BCOR: variants seen among roughly 807,000 people sequenced by gnomAD.
BCOR encodes the protein BCL6 corepressor.
A neutral mutation model predicts 86.7 loss-of-function variants in BCOR; 10 were observed. The observed-to-expected ratio is 0.12, with a 90% CI of 0.07 to 0.20. BCOR has a LOEUF of 0.20. Among genes scored for constraint, BCOR ranks in the 10% least tolerant of loss-of-function variants. The pLI, the probability that BCOR is intolerant of heterozygous loss-of-function variation, is 1.00. For missense variants in BCOR, 1,259 were observed against 1,452.1 expected (o/e 0.87, Z 2.16); for synonymous variants, 611 against 609.0 (o/e 1.00, Z -0.05).
At chrX:40,116,409 A>G (rs1481862500) in intron 1 of BCOR, among the ~76,000 whole-genome samples, 1 of 110,052 alleles carries the variant, frequency 9.1e-6, no homozygotes, top group South Asian at 4.0e-4. Context: ...AGGCAGCAGA[A>G]TGGTGTGAAA....
intron 1 of BCOR, among the ~76,000 whole-genome samples, chrX:40,093,688 C>A (rs898231026): frequency 9.0e-6 from 1 of 111,627 alleles, no homozygotes; most frequent in Non-Finnish European, 1.9e-5. Context: ...ACTCAAAGAC[C>A]GCTTTGCTCT....
intron 10 of BCOR, among the ~76,000 whole-genome samples, chrX:40,057,843 G>A (rs998393781): frequency 2.7e-5 from 3 of 112,191 alleles, no homozygotes; most frequent in Non-Finnish European, 3.8e-5. Context: ...GCTGGAGAAC[G>A]TTTCTCAACT....
intron 7 of BCOR, 50 bp downstream of exon 7, chrX:40,064,286 G>T (rs754907203): frequency 8.3e-7 from 1 of 1,206,180 alleles, no homozygotes; most frequent in African/African-American, 1.7e-5. Flanking sequence ...CACTGTGGCC[G>T]CATGCAAAGG....
intron 1 of BCOR, among the ~76,000 whole-genome samples, chrX:40,139,846 G>C (rs1937879472): frequency 9.2e-6 from 1 of 108,482 alleles, no homozygotes; most frequent in African/African-American, 3.3e-5. Context: ...AGACTATCTT[G>C]GGAAGAGTAA....
At chrX:40,078,421 G>T (rs1040658776) in intron 1 of BCOR, among the ~76,000 whole-genome samples, 4 of 112,126 alleles carry the variant, frequency 3.6e-5, no homozygotes, top group Non-Finnish European at 3.8e-5. Context: ...GGGGCCAAAA[G>T]GGTGCAAGAA....
At chrX:40,110,614 C>T (rs60366471) in intron 1 of BCOR, among the ~76,000 whole-genome samples, 1 of 93,794 alleles carries the variant, frequency 1.1e-5, no homozygotes, top group Non-Finnish European at 2.1e-5. Flanking sequence ...TCCTGTACCT[C>T]TAAGACAATC....
chrX:40,143,780 C>T (rs1937977950), intron 1 of BCOR, among the ~76,000 whole-genome samples: 1 of 112,518 alleles, frequency 8.9e-6, no homozygotes, highest in African/African-American at 3.2e-5. Flanking sequence ...TGTGGTGAAA[C>T]CCCGTCTCTA....
intron 1 of BCOR, among the ~76,000 whole-genome samples, chrX:40,134,960 T>C (rs1937649271): frequency 9.0e-6 from 1 of 111,728 alleles, no homozygotes; most frequent in African/African-American, 3.3e-5. Context: ...AGGGCTAGGT[T>C]CCAGTACTTG....
intron 1 of BCOR, among the ~76,000 whole-genome samples, chrX:40,162,490 C>T (rs12400177): frequency 9.0e-6 from 1 of 111,122 alleles, no homozygotes; most frequent in Admixed American, 9.6e-5. Context: ...CCTGGGAAGC[C>T]GTGGTGAGGT....
chrX:40,138,356 C>T (rs908903890), intron 1 of BCOR, among the ~76,000 whole-genome samples: 3 of 111,753 alleles, frequency 2.7e-5, no homozygotes, highest in Middle Eastern at 4.6e-3. Flanking sequence ...TCCTCTCAGG[C>T]GAGGGACGAC....
chrX:40,070,860 T>C, intron 6 of BCOR, 113 bp downstream of exon 6: 1 of 744,222 alleles, frequency 1.3e-6, no homozygotes, highest in African/African-American at 2.1e-5. Context: ...GTTGCCACCA[T>C]TCATAAGGAC....
intron 1 of BCOR, among the ~76,000 whole-genome samples, chrX:40,176,436 T>C (rs1224274351): frequency 8.9e-6 from 1 of 111,995 alleles, no homozygotes; most frequent in Non-Finnish European, 1.9e-5. Flanking sequence ...CAGGCGGGGA[T>C]GGCGGTTCCG....
At chrX:40,070,363 G>A (rs1416401145) in intron 6 of BCOR, among the ~76,000 whole-genome samples, 2 of 111,973 alleles carry the variant, frequency 1.8e-5, no homozygotes, top group East Asian at 5.6e-4. Context: ...CCCTGTTGGT[G>A]GGGTGGGGGA....
At chrX:40,063,107 T>C in intron 8 of BCOR, 36 bp from the exon 9 acceptor site, 1 of 497,154 alleles carries the variant, frequency 2.0e-6, no homozygotes, top group East Asian at 8.6e-5. Flanking sequence ...GGCGGGCGGA[T>C]GGGAGACGGG....
At chrX:40,096,505 TTC>T (rs1936881135) in intron 1 of BCOR, among the ~76,000 whole-genome samples, 1 of 101,713 alleles carries the variant, frequency 9.8e-6, no homozygotes, top group Non-Finnish European at 1.9e-5. Flanking sequence ...TCTGCTCGAT[TTC>T]TTAGTAGTTT....
chrX:40,173,871 G>A (rs2148037419), intron 1 of BCOR, among the ~76,000 whole-genome samples: 1 of 113,184 alleles, frequency 8.8e-6, no homozygotes, highest in Admixed American at 9.2e-5. Context: ...CACTGGTGCA[G>A]GGCTGGCGTA....
chrX:40,168,753 C>G (rs1424940157), intron 1 of BCOR, among the ~76,000 whole-genome samples: 1 of 113,400 alleles, frequency 8.8e-6, no homozygotes, highest in Non-Finnish European at 1.9e-5. Flanking sequence ...GGCGGCCTCT[C>G]GCCTTTCATT....
chrX:40,106,765 G>T (rs1937195403), intron 1 of BCOR, among the ~76,000 whole-genome samples: 1 of 112,583 alleles, frequency 8.9e-6, no homozygotes, highest in South Asian at 3.7e-4. Context: ...GGTGGCAACG[G>T]AAGGCGGTGC....
chrX:40,142,932 GTGCAC>G (rs1204603120), intron 1 of BCOR, among the ~76,000 whole-genome samples: 5 of 111,436 alleles, frequency 4.5e-5, no homozygotes, highest in Non-Finnish European at 9.4e-5. Flanking sequence ...CGTATATTTA[GTGCAC>G]GTTGCCCTGG....
Sources: allele counts gnomAD v4.1 joint callset (sites outside exome capture counted in the v4.1 genomes callset), GRCh38; gene constraint gnomAD v4.1.1; transcripts MANE v1.5; gene names NCBI Gene and HGNC (gene_info 2026-07-23, HGNC 2026-07-21).